FAM83A: variants seen among roughly 807,000 people sequenced by gnomAD.
The protein encoded by FAM83A is protein FAM83A.
Under a neutral mutation model 24.4 loss-of-function variants are expected in FAM83A, and 21 were observed. That is an observed-to-expected ratio of 0.86 (90% confidence interval 0.61 to 1.24). The LOEUF (loss-of-function observed/expected upper bound fraction) is 1.24, where lower values mean the gene tolerates loss of function less well. Among genes scored for constraint, FAM83A ranks in the 50% most tolerant of loss-of-function variants. FAM83A has a pLI of 0.00. For synonymous variants in FAM83A, 270 were observed against 252.4 expected (o/e 1.07, Z -0.66); for missense variants, 617 against 579.8 (o/e 1.06, Z -0.66).
chr8:123,205,836 A>G (rs1440711496), intron 3 of FAM83A, among the ~76,000 whole-genome samples: 1 of 151,978 alleles, frequency 6.6e-6, no homozygotes, highest in Non-Finnish European at 1.5e-5. Context: ...GGAAACAGAA[A>G]AGAGTTGGGG....
At chr8:123,189,670 T>C (rs1224481956) in intron 1 of FAM83A, among the ~76,000 whole-genome samples, 1 of 152,248 alleles carries the variant, frequency 6.6e-6, no homozygotes, top group Non-Finnish European at 1.5e-5. Context: ...CTTACTTATC[T>C]GTGGCCTGGA....
At chr8:123,184,930 CGT>C (rs1419272221) in intron 1 of FAM83A, among the ~76,000 whole-genome samples, 1 of 152,136 alleles carries the variant, frequency 6.6e-6, no homozygotes, top group African/African-American at 2.4e-5. Flanking sequence ...AGTTCAATAC[CGT>C]GTGAAATCTT....
exon 1 of FAM83A, chr8:123,183,196 G>C (rs548147359): frequency 3.7e-5 from 59 of 1,613,426 alleles, no homozygotes; most frequent in Non-Finnish European, 4.7e-5. Context: ...AGAGGGCAGC[G>C]AGCCGGCCCT....
chr8:123,205,111 C>CA (rs987611433), intron 3 of FAM83A, among the ~76,000 whole-genome samples: 9 of 150,090 alleles, frequency 6.0e-5, no homozygotes, highest in South Asian at 2.1e-4. Context: ...GGCTGCGTCT[C>CA]AAAAAAAAAT....
intron 3 of FAM83A, among the ~76,000 whole-genome samples, chr8:123,198,927 CG>C (rs1279337721): frequency 6.6e-6 from 1 of 151,952 alleles, no homozygotes; most frequent in Non-Finnish European, 1.5e-5. Flanking sequence ...TTAGTAGAGA[CG>C]GGGGTTTCAC....
At chr8:123,190,746 G>A (rs955767866) in intron 1 of FAM83A, among the ~76,000 whole-genome samples, 16 of 152,128 alleles carry the variant, frequency 1.1e-4, no homozygotes, top group African/African-American at 3.6e-4. Context: ...AGGCATGGCT[G>A]GAACCAGGTG....
intron 2 of FAM83A, 26 bp from the exon 3 acceptor site, chr8:123,193,998 T>C (rs1193929066): frequency 1.2e-6 from 2 of 1,613,746 alleles, no homozygotes; most frequent in Admixed American, 1.7e-5. Flanking sequence ...AATTAGGAAG[T>C]GACACCTTGA....
In FAM83A at chr8:123,194,031, C is replaced by A. The variant is rs763981573; in HGVS notation, c.656C>A (p.Ser219Tyr). Residue 219 changes from serine (S) to tyrosine (Y), a missense_variant, in exon 3 of 4, where the codon TCC becomes TAC. By Grantham distance (144) the Ser-to-Tyr change is moderately radical (BLOSUM62 -2). Coordinates refer to ENST00000690554, the Ensembl canonical transcript of FAM83A. ...TGACTTTCCCTCCAACAGAACATTT[C>A]CATCCGGAGTGTGGAAGGAGAGATA... 14 of 1,614,030 alleles carry A rather than the reference C, an allele frequency of 8.7e-6. No individual in the cohort carries two copies. In the East Asian group the frequency reaches 2.9e-4, roughly 33 times the overall value.
intron 3 of FAM83A, among the ~76,000 whole-genome samples, chr8:123,197,535 A>T (rs1446283439): frequency 6.6e-6 from 1 of 152,210 alleles, no homozygotes; most frequent in Non-Finnish European, 1.5e-5. Context: ...TTCCATGGAC[A>T]GGATGGACCA....
At position 123,209,502 on chromosome 8, in the gene FAM83A, G is replaced by T. The variant is rs1308233992; in HGVS notation, c.*1814G>T. The T allele has an allele frequency of 1.2e-6, 2 of 1,614,066 alleles. No homozygotes were observed. The highest frequency in any genetic ancestry group is 1.7e-6 in the Non-Finnish European group (2 of 1,180,020). On this transcript the variant is annotated 3_prime_UTR_variant, in exon 4 of 4. Transcript: ENST00000690554. The surrounding 1 kb of genome is among the most constrained non-coding windows in gnomAD (Gnocchi z 4.7). ...GGTTCCTGATGGCTTTCTGAACCCA[G>T]CCCTGACCTTGTTGTTTCACAGCTG...
At chr8:123,205,693 T>G (rs1485887930) in intron 3 of FAM83A, among the ~76,000 whole-genome samples, 2 of 151,588 alleles carry the variant, frequency 1.3e-5, no homozygotes, top group African/African-American at 4.9e-5. Context: ...CCGACCATCC[T>G]CTCCCTCTTG....
chr8:123,190,313 G>A (rs1412510343), intron 1 of FAM83A, among the ~76,000 whole-genome samples: 3 of 152,134 alleles, frequency 2.0e-5, no homozygotes, highest in African/African-American at 7.2e-5. Context: ...CCAGGCTGGA[G>A]TGCAGTGGTG....
intron 1 of FAM83A, among the ~76,000 whole-genome samples, chr8:123,191,398 A>G (rs910465119): frequency 6.6e-6 from 1 of 152,228 alleles, no homozygotes; most frequent in African/African-American, 2.4e-5. Context: ...ATCAGTGGCC[A>G]TAGTGTGCCC....
chr8:123,195,122 G>T (rs1048662501), intron 3 of FAM83A, among the ~76,000 whole-genome samples: 1 of 152,200 alleles, frequency 6.6e-6, no homozygotes, highest in Non-Finnish European at 1.5e-5. Flanking sequence ...GGTCATTTGG[G>T]AACATTTGTT....
At chr8:123,192,048 C>T in intron 2 of FAM83A, 78 bp downstream of exon 2, 2 of 1,498,482 alleles carry the variant, frequency 1.3e-6, no homozygotes, top group Non-Finnish European at 1.8e-6. Context: ...AACAAATGTC[C>T]CTCATCTTGT....
At chr8:123,197,727 A>G (rs184650501) in intron 3 of FAM83A, among the ~76,000 whole-genome samples, 3 of 152,356 alleles carry the variant, frequency 2.0e-5, no homozygotes, top group Non-Finnish European at 4.4e-5. Flanking sequence ...GCCAAGGGCT[A>G]GAATAGCTGA....
chr8:123,188,279 T>C (rs1823868625), intron 1 of FAM83A, among the ~76,000 whole-genome samples: 1 of 151,994 alleles, frequency 6.6e-6, no homozygotes, highest in Middle Eastern at 3.2e-3. Context: ...TTCTGATATC[T>C]CTCATAAGGA....
upstream of FAM83A, chr8:123,182,527 C>A (rs1374298378): frequency 1.9e-6 from 1 of 528,760 alleles, no homozygotes; most frequent in South Asian, 1.5e-5. Flanking sequence ...GCCGGCTCAC[C>A]TTCGCCTCCC....
In FAM83A at chr8:123,209,051, AG is replaced by A; in HGVS notation, c.*1364del. ...GATGTCAGAGACACTTCCCAGATAA[AG>A]TAAGAGTTAACCCTGCACCTCAGGT... On this transcript the variant is annotated 3_prime_UTR_variant, in exon 4 of 4. Coordinates refer to ENST00000690554, the Ensembl canonical transcript of FAM83A. The surrounding 1 kb of genome is among the most constrained non-coding windows in gnomAD (Gnocchi z 4.7). 1 of 992,850 alleles carries A rather than the reference AG, an allele frequency of 1.0e-6. No homozygotes were observed. The highest frequency in any genetic ancestry group is 1.2e-6 in the Non-Finnish European group (1 of 835,214). 61.5% of individuals were successfully genotyped at this position (992,850 alleles called of 1,614,324 possible). A position where few individuals can be genotyped will look rare whatever the true frequency, so the allele number is the denominator to read the frequency against.
Sources: allele counts gnomAD v4.1 joint callset (sites outside exome capture counted in the v4.1 genomes callset), GRCh38; gene constraint gnomAD v4.1.1; non-coding constraint Gnocchi (gnomAD v3.1); transcripts MANE v1.5; gene names NCBI Gene and HGNC (gene_info 2026-07-23, HGNC 2026-07-21).